Variants in PRKCA observed in about 807,000 individuals in gnomAD.
PRKCA encodes the protein protein kinase C alpha, also known as protein kinase C alpha type.
Under a neutral mutation model 87.0 loss-of-function variants are expected in PRKCA, and 27 were observed. The observed-to-expected ratio is 0.31, with a 90% CI of 0.23 to 0.43. The LOEUF (loss-of-function observed/expected upper bound fraction) is 0.43. PRKCA is among the 20% of genes least tolerant of loss of function. The pLI is 1.00. For synonymous variants in PRKCA, 329 were observed against 311.1 expected (o/e 1.06, Z -0.61); for missense variants, 518 against 852.3 (o/e 0.61, Z 4.88).
intron 2 of PRKCA, among the ~76,000 whole-genome samples, chr17:66,484,407 A>C (rs1915913550): frequency 6.6e-6 from 1 of 152,192 alleles, no homozygotes; most frequent in African/African-American, 2.4e-5. Context: ...AATTGCATTG[A>C]GTGTATGATC....
chr17:66,463,195 C>G (rs1197449721), intron 2 of PRKCA, among the ~76,000 whole-genome samples: 1 of 152,090 alleles, frequency 6.6e-6, no homozygotes, highest in African/African-American at 2.4e-5. Context: ...GCTGCCATGC[C>G]TGTCGCCCTG....
chr17:66,534,515 A>T (rs1219174833), intron 3 of PRKCA, among the ~76,000 whole-genome samples: 2 of 152,048 alleles, frequency 1.3e-5, no homozygotes, highest in African/African-American at 2.4e-5. Context: ...AAAATACAAA[A>T]AATTAGCCGG....
chr17:66,568,205 T>C (rs775789414), intron 3 of PRKCA, among the ~76,000 whole-genome samples: 1 of 152,098 alleles, frequency 6.6e-6, no homozygotes, highest in African/African-American at 2.4e-5. Flanking sequence ...TCCCAGCTGC[T>C]AGGGAGGCTG....
At chr17:66,421,332 T>G (rs1912476616) in intron 2 of PRKCA, among the ~76,000 whole-genome samples, 1 of 152,180 alleles carries the variant, frequency 6.6e-6, no homozygotes, top group Admixed American at 6.5e-5. Flanking sequence ...TTCAGGTTTT[T>G]GCCTTTCTGG....
chr17:66,628,271 C>G (rs1222214248), intron 3 of PRKCA, among the ~76,000 whole-genome samples: 1 of 152,042 alleles, frequency 6.6e-6, no homozygotes, highest in Non-Finnish European at 1.5e-5. Context: ...AAGACACTTG[C>G]ACAGTGTGTG....
intron 2 of PRKCA, among the ~76,000 whole-genome samples, chr17:66,310,077 G>A (rs1324036857): frequency 1.3e-5 from 2 of 152,006 alleles, no homozygotes; most frequent in Non-Finnish European, 2.9e-5. Context: ...CTCCTTAGGC[G>A]GAGCAACACC....
chr17:66,576,873 CTTTT>C (rs66875614), intron 3 of PRKCA, among the ~76,000 whole-genome samples: 1 of 138,324 alleles, frequency 7.2e-6, no homozygotes, highest in Non-Finnish European at 1.6e-5. Flanking sequence ...TGGTGATGTA[CTTTT>C]TTTTTTTTTT....
At chr17:66,457,458 G>A (rs1207732397) in intron 2 of PRKCA, among the ~76,000 whole-genome samples, 1 of 152,124 alleles carries the variant, frequency 6.6e-6, no homozygotes, top group Non-Finnish European at 1.5e-5. Flanking sequence ...GAAGATGTGA[G>A]ATGCATATAG....
At chr17:66,328,297 C>G (rs2143263985) in intron 2 of PRKCA, among the ~76,000 whole-genome samples, 1 of 152,244 alleles carries the variant, frequency 6.6e-6, no homozygotes, top group South Asian at 2.1e-4. Flanking sequence ...TCTTGAACTC[C>G]TGGCCTCAAG....
intron 3 of PRKCA, among the ~76,000 whole-genome samples, chr17:66,612,076 TAAAA>T (rs35346924): frequency 1.0e-4 from 15 of 146,034 alleles, no homozygotes; most frequent in African/African-American, 3.3e-4. Context: ...ACTTTGTGAG[TAAAA>T]AAAAAAAAAA....
At chr17:66,338,925 T>A (rs1906870055) in intron 2 of PRKCA, among the ~76,000 whole-genome samples, 2 of 152,150 alleles carry the variant, frequency 1.3e-5, no homozygotes, top group African/African-American at 4.8e-5. Flanking sequence ...CTTGAGGTCG[T>A]AGAAGAAAAT....
intron 3 of PRKCA, among the ~76,000 whole-genome samples, chr17:66,595,916 G>T (rs1969960180): frequency 6.6e-6 from 1 of 152,182 alleles, no homozygotes; most frequent in Non-Finnish European, 1.5e-5. Flanking sequence ...TGACTGCAAA[G>T]GCGTACGGCA....
At chr17:66,695,298 G>A (rs895513332) in intron 8 of PRKCA, among the ~76,000 whole-genome samples, 2 of 152,194 alleles carry the variant, frequency 1.3e-5, no homozygotes, top group Non-Finnish European at 2.9e-5. Context: ...TGAAGACCAC[G>A]TCTCCCTTCT....
At chr17:66,655,707 C>T (rs776587895) in intron 5 of PRKCA, among the ~76,000 whole-genome samples, 14 of 151,944 alleles carry the variant, frequency 9.2e-5, no homozygotes, top group African/African-American at 2.2e-4. Context: ...TCTGTTGAGC[C>T]GATGATGATG....
chr17:66,747,755 GATGCAGTGAATGACGCAGA>G (rs1477611473), intron 13 of PRKCA, among the ~76,000 whole-genome samples: 2 of 152,244 alleles, frequency 1.3e-5, no homozygotes, highest in Non-Finnish European at 2.9e-5. Flanking sequence ...CATGATCAGA[GATGCAGTGAATGACGCAGA>G]ATTGCATTCC....
At chr17:66,538,321 C>T (rs1967859871) in intron 3 of PRKCA, among the ~76,000 whole-genome samples, 1 of 152,202 alleles carries the variant, frequency 6.6e-6, no homozygotes, top group South Asian at 2.1e-4. Context: ...ACCCAACTGA[C>T]TGCTCTGGGC....
chr17:66,799,214 ATGG>A (rs1250294752), intron 16 of PRKCA, among the ~76,000 whole-genome samples: 3 of 462 alleles, frequency 6.5e-3, no homozygotes, highest in African/African-American at 0.043. Context: ...GGTGGTGGTG[ATGG>A]TGGTGGTGGT....
intron 2 of PRKCA, among the ~76,000 whole-genome samples, chr17:66,343,773 A>T (rs1907189113): frequency 6.6e-6 from 1 of 152,162 alleles, no homozygotes; most frequent in African/African-American, 2.4e-5. Context: ...GCACAATAGG[A>T]TGGATGGCAA....
intron 3 of PRKCA, among the ~76,000 whole-genome samples, chr17:66,526,740 G>A (rs1258429554): frequency 6.6e-6 from 1 of 152,132 alleles, no homozygotes; most frequent in East Asian, 1.9e-4. Context: ...GAAAAAAAAG[G>A]TATGGATACT....
Sources: allele counts gnomAD v4.1 joint callset (sites outside exome capture counted in the v4.1 genomes callset), GRCh38; gene constraint gnomAD v4.1.1; transcripts MANE v1.5; gene names NCBI Gene and HGNC (gene_info 2026-07-23, HGNC 2026-07-21).